CNTN5: variants seen among roughly 807,000 people sequenced by gnomAD.
CNTN5 encodes the protein contactin 5, also known as contactin-5.
In CNTN5, 77 loss-of-function variants were observed where a neutral mutation model predicts 129.1. The ratio of observed to expected loss-of-function variants is 0.60; its 90% CI spans 0.50 to 0.72. The LOEUF (loss-of-function observed/expected upper bound fraction) is 0.72, where lower values mean the gene tolerates loss of function less well. Among genes scored for constraint, CNTN5 ranks in the 30% least tolerant of loss-of-function variants. CNTN5 has a pLI of 0.00. For synonymous variants in CNTN5, 509 were observed against 465.6 expected (o/e 1.09, Z -1.20); for missense variants, 1,478 against 1,328.8 (o/e 1.11, Z -1.75).
At chr11:100,189,927 A>G (rs1365340840) in intron 13 of CNTN5, among the ~76,000 whole-genome samples, 1 of 152,102 alleles carries the variant, frequency 6.6e-6, no homozygotes, top group Non-Finnish European at 1.5e-5. Flanking sequence ...ATGTTTTCAA[A>G]CTGATATCTT....
chr11:99,701,267 G>A (rs1401559012), intron 3 of CNTN5, among the ~76,000 whole-genome samples: 1 of 151,218 alleles, frequency 6.6e-6, no homozygotes, highest in Non-Finnish European at 1.5e-5. Flanking sequence ...GTGTAAAGTG[G>A]AAGAGATGGA....
intron 13 of CNTN5, among the ~76,000 whole-genome samples, chr11:100,144,951 A>G (rs1350400363): frequency 7.7e-6 from 1 of 129,086 alleles, no homozygotes; most frequent in African/African-American, 2.6e-5. Context: ...TTCCTCTTTC[A>G]TACTGTCTTT....
chr11:99,832,982 G>A (rs1285001544), intron 4 of CNTN5, among the ~76,000 whole-genome samples: 1 of 152,122 alleles, frequency 6.6e-6, no homozygotes, highest in African/African-American at 2.4e-5. Flanking sequence ...AGAAAAATAA[G>A]CACAGAAGTT....
intron 10 of CNTN5, among the ~76,000 whole-genome samples, chr11:100,065,784 G>C (rs867729789): frequency 1.4e-4 from 21 of 152,112 alleles, no homozygotes; most frequent in Middle Eastern, 6.8e-3. Context: ...ATATACTATA[G>C]TTAACATTTT....
intron 23 of CNTN5, among the ~76,000 whole-genome samples, chr11:100,348,640 AT>A (rs890977302): frequency 2.0e-4 from 31 of 152,058 alleles, no homozygotes; most frequent in Admixed American, 1.2e-3. Context: ...ATTCCCATAA[AT>A]TTGCTTTCTA....
intron 13 of CNTN5, among the ~76,000 whole-genome samples, chr11:100,162,601 T>TTAGA (rs1248953299): frequency 6.6e-6 from 1 of 151,842 alleles, no homozygotes; most frequent in Non-Finnish European, 1.5e-5. Context: ...TCTCACCTTG[T>TTAGA]TAGATATAAC....
At chr11:100,086,325 C>T (rs1944552067) in intron 13 of CNTN5, among the ~76,000 whole-genome samples, 1 of 150,014 alleles carries the variant, frequency 6.7e-6, no homozygotes, top group African/African-American at 2.4e-5. Context: ...CTTAAATATC[C>T]TTGTTTCAAC....
chr11:100,175,341 A>C (rs1947933691), intron 13 of CNTN5, among the ~76,000 whole-genome samples: 1 of 152,128 alleles, frequency 6.6e-6, no homozygotes, highest in Non-Finnish European at 1.5e-5. Context: ...TGTTAAGATA[A>C]GGTATCAAAA....
At chr11:100,355,655 G>T (rs535412679) in intron 24 of CNTN5, among the ~76,000 whole-genome samples, 3 of 151,588 alleles carry the variant, frequency 2.0e-5, no homozygotes, top group African/African-American at 4.8e-5. Flanking sequence ...TAGGCAATAG[G>T]AATTTTTCAG....
intron 2 of CNTN5, among the ~76,000 whole-genome samples, chr11:99,527,589 T>C (rs10750313): frequency 0.26 from 38,811 of 151,762 alleles, 5,301 homozygotes; most frequent in Non-Finnish European, 0.31. Flanking sequence ...CCTACAAAAG[T>C]GACAAGGTAA....
intron 1 of CNTN5, among the ~76,000 whole-genome samples, chr11:99,091,678 G>A (rs927432339): frequency 1.3e-5 from 2 of 152,138 alleles, no homozygotes; most frequent in South Asian, 2.1e-4. Context: ...AGCAGAGGAA[G>A]GGAACTTACT....
intron 1 of CNTN5, among the ~76,000 whole-genome samples, chr11:99,101,379 A>C (rs1457664213): frequency 6.6e-6 from 1 of 152,188 alleles, no homozygotes; most frequent in Non-Finnish European, 1.5e-5. Context: ...CATTCCCAAC[A>C]GTCCCCCAAA....
chr11:100,286,620 A>C (rs1246491486), intron 18 of CNTN5, among the ~76,000 whole-genome samples: 1 of 148,286 alleles, frequency 6.7e-6, no homozygotes, highest in Admixed American at 6.7e-5. Context: ...CACCATCATC[A>C]AAGACCAAAA....
intron 10 of CNTN5, among the ~76,000 whole-genome samples, chr11:100,061,934 C>T (rs7925698): frequency 0.22 from 33,944 of 152,140 alleles, 4,301 homozygotes; most frequent in East Asian, 0.46. Flanking sequence ...GTTTGCTGAC[C>T]TGTGGCCTAA....
At chr11:99,694,496 T>C (rs1221458166) in intron 3 of CNTN5, among the ~76,000 whole-genome samples, 1 of 152,168 alleles carries the variant, frequency 6.6e-6, no homozygotes, top group Admixed American at 6.6e-5. Flanking sequence ...TTAGACTTTT[T>C]CAAACTAAAA....
chr11:100,017,562 G>A (rs1940894848), intron 9 of CNTN5, among the ~76,000 whole-genome samples: 3 of 151,874 alleles, frequency 2.0e-5, no homozygotes, highest in Admixed American at 6.6e-5. Context: ...CTAACTTAGG[G>A]ATCAATTAAA....
intron 1 of CNTN5, among the ~76,000 whole-genome samples, chr11:99,085,430 C>A (rs1422449980): frequency 1.3e-5 from 2 of 152,040 alleles, no homozygotes; most frequent in African/African-American, 4.8e-5. Context: ...GTTTTTCTAA[C>A]ATTTTTGAAA....
chr11:100,310,914 T>A (rs1267001211), intron 21 of CNTN5, among the ~76,000 whole-genome samples: 1 of 151,844 alleles, frequency 6.6e-6, no homozygotes, highest in South Asian at 2.1e-4. Flanking sequence ...AGGATGATGA[T>A]GAAGAGATTA....
intron 1 of CNTN5, among the ~76,000 whole-genome samples, chr11:99,308,509 G>A (rs986629463): frequency 4.6e-5 from 7 of 151,998 alleles, no homozygotes; most frequent in East Asian, 1.9e-4. Context: ...TGACTTCTGA[G>A]GCTAGGGATA....
Sources: allele counts gnomAD v4.1 joint callset (sites outside exome capture counted in the v4.1 genomes callset), GRCh38; gene constraint gnomAD v4.1.1; transcripts MANE v1.5; gene names NCBI Gene and HGNC (gene_info 2026-07-23, HGNC 2026-07-21).